AHCYL2: variants seen among roughly 807,000 people sequenced by gnomAD.
AHCYL2 encodes the protein adenosylhomocysteinase like 2, also known as S-adenosylhomocysteine hydrolase-like protein 2.
In AHCYL2, 28 loss-of-function variants were observed where a neutral mutation model predicts 81.4. The ratio of observed to expected loss-of-function variants is 0.34; its 90% CI spans 0.25 to 0.47. AHCYL2 has a LOEUF of 0.47. Among genes scored for constraint, AHCYL2 ranks in the 20% least tolerant of loss-of-function variants. AHCYL2 has a pLI of 1.00. For synonymous variants in AHCYL2, 272 were observed against 290.2 expected (o/e 0.94, Z 0.64); for missense variants, 551 against 785.1 (o/e 0.70, Z 3.56).
chr7:129,413,786 G>T, intron 12 of AHCYL2, 98 bp downstream of exon 12: 1 of 965,418 alleles, frequency 1.0e-6, no homozygotes, highest in South Asian at 1.3e-5. Flanking sequence ...TCCTAAACAT[G>T]ACTATCCTGG....
chr7:129,380,984 T>C (rs148628268), intron 2 of AHCYL2, among the ~76,000 whole-genome samples: 2,080 of 152,232 alleles, frequency 0.014, 21 homozygotes, highest in Non-Finnish European at 0.021. Context: ...CAAATGATTC[T>C]CCTCAGCCTA....
At chr7:129,402,481 G>T (rs1050551430) in intron 6 of AHCYL2, among the ~76,000 whole-genome samples, 1 of 152,210 alleles carries the variant, frequency 6.6e-6, no homozygotes, top group Non-Finnish European at 1.5e-5. Flanking sequence ...ACCCAGTTCT[G>T]TGGGACTTTC....
intron 1 of AHCYL2, among the ~76,000 whole-genome samples, chr7:129,270,858 T>G (rs1191044730): frequency 6.6e-6 from 1 of 151,346 alleles, no homozygotes; most frequent in Non-Finnish European, 1.5e-5. Context: ...TCTGAGAATT[T>G]GTTACCTGGG....
Position 129,406,491 on chromosome 7 carries a change from C to T in AHCYL2, c.1295+25C>T, listed in dbSNP as rs201438043. 2.1e-3 allele frequency: 3,439 copies of T among 1,608,094 alleles called. 34 individuals are homozygous for T. Among genetic ancestry groups the T allele is most frequent in the South Asian group, 0.012 (1,132 of 90,920 alleles). On this transcript the variant is annotated intron_variant, in intron 10 of 16. Transcript: ENST00000325006. This position sits in a 1 kb window ranked among gnomAD's most constrained non-coding sequence, Gnocchi z 4.3. ...GGTAAGCCTCTACGCTACCATCTCA[C>T]TTGCAATCTCGGAGCTGTCTCCAAA...
At chr7:129,264,320 A>G (rs998965166) in intron 1 of AHCYL2, among the ~76,000 whole-genome samples, 1 of 152,236 alleles carries the variant, frequency 6.6e-6, no homozygotes, top group East Asian at 1.9e-4. Context: ...GCGCCCGGCC[A>G]GTAGAAGATA....
At chr7:129,280,735 T>C (rs559738911) in intron 1 of AHCYL2, among the ~76,000 whole-genome samples, 1 of 152,204 alleles carries the variant, frequency 6.6e-6, no homozygotes, top group South Asian at 2.1e-4. Context: ...TGAGAAAGTT[T>C]CCTTGTATTC....
chr7:129,319,057 TAAA>T (rs1797925426), intron 1 of AHCYL2, among the ~76,000 whole-genome samples: 1 of 152,082 alleles, frequency 6.6e-6, no homozygotes, highest in Admixed American at 6.6e-5. Flanking sequence ...TAAAGAACTC[TAAA>T]AATCAGTGAG....
At chr7:129,405,530 A>T (rs1468962742) in intron 8 of AHCYL2, 2 of 360,630 alleles carry the variant, frequency 5.5e-6, no homozygotes, top group East Asian at 4.4e-5. Flanking sequence ...AAGGAAAAAA[A>T]CCCTTACATA....
rs377735622 is a variant in AHCYL2, at chr7:129,303,571, T to C, written c.364-76067T>C. Among the ~76,000 whole-genome samples the C allele has an allele frequency of 3.3e-5, 5 of 152,242 alleles. No homozygotes were observed. The East Asian group carries it at 7.7e-4, about 23-fold the overall frequency. Reference sequence around the variant, plus strand: ...TTTTCTTAGTCTGGCTAAAGGTTTGTCAATTTCATTTATCTTTTCAAAGAA... The same window carrying C: ...TTTTCTTAGTCTGGCTAAAGGTTTGCCAATTTCATTTATCTTTTCAAAGAA... On this transcript the variant is annotated intron_variant, in intron 1 of 16. Transcript: ENST00000325006.
intron 1 of AHCYL2, among the ~76,000 whole-genome samples, chr7:129,247,626 G>A (rs1795106569): frequency 6.6e-6 from 1 of 150,842 alleles, no homozygotes; most frequent in South Asian, 2.1e-4. Context: ...CCCAAGACAA[G>A]GCCTCATTCT....
chr7:129,389,489 A>C, intron 3 of AHCYL2, 145 bp from the exon 4 acceptor site: 1 of 736,234 alleles, frequency 1.4e-6, no homozygotes, highest in Non-Finnish European at 2.1e-6. Flanking sequence ...AGGAAAATAC[A>C]GGTTTAATGT....
chr7:129,421,306 C>G (rs1052362524), intron 12 of AHCYL2, among the ~76,000 whole-genome samples: 1 of 151,138 alleles, frequency 6.6e-6, no homozygotes, highest in African/African-American at 2.4e-5. Context: ...ATATGTCTGT[C>G]TTTTTTTTGG....
chr7:129,284,104 T>C (rs189193253), intron 1 of AHCYL2, among the ~76,000 whole-genome samples: 1 of 152,328 alleles, frequency 6.6e-6, no homozygotes, highest in East Asian at 1.9e-4. Context: ...GAATGTGTCC[T>C]AGCTGAATAA....
intron 1 of AHCYL2, among the ~76,000 whole-genome samples, chr7:129,373,968 C>T (rs1303518909): frequency 6.6e-6 from 1 of 152,112 alleles, no homozygotes; most frequent in African/African-American, 2.4e-5. Flanking sequence ...CTGGTAGTGA[C>T]ATTGGGCAAA....
At position 129,406,945 on chromosome 7, in the gene AHCYL2, A is replaced by G. The variant is rs1325315648; in HGVS notation, c.1295+479A>G. Among the ~76,000 whole-genome samples, 1 of 152,228 alleles carries G rather than the reference A, an allele frequency of 6.6e-6. No homozygotes were observed. Among genetic ancestry groups the G allele is most frequent in the East Asian group, 1.9e-4 (1 of 5,202 alleles). On this transcript the variant is annotated intron_variant, in intron 10 of 16. Coordinates refer to ENST00000325006, the MANE Select transcript of AHCYL2 (RefSeq NM_015328.4). The surrounding 1 kb of genome is among the most constrained non-coding windows in gnomAD (Gnocchi z 4.3). Reference sequence around the variant, plus strand: ...TATGAGAATTATTTACACTAGTATTATAATTCTTAAGTTTGAAATGATTCT... The same window carrying G: ...TATGAGAATTATTTACACTAGTATTGTAATTCTTAAGTTTGAAATGATTCT...
At chr7:129,377,329 A>AT (rs947681884) in intron 1 of AHCYL2, among the ~76,000 whole-genome samples, 4 of 151,974 alleles carry the variant, frequency 2.6e-5, no homozygotes, top group East Asian at 1.9e-4. Context: ...CATCTTTGTC[A>AT]TTTTTTTTAG....
chr7:129,295,223 C>T (rs949423221), intron 1 of AHCYL2, among the ~76,000 whole-genome samples: 8 of 152,152 alleles, frequency 5.3e-5, no homozygotes, highest in African/African-American at 1.4e-4. Context: ...CTCTTCTCTC[C>T]GGGGAATTGA....
At chr7:129,366,716 C>T (rs796598638) in intron 1 of AHCYL2, among the ~76,000 whole-genome samples, 14 of 148,600 alleles carry the variant, frequency 9.4e-5, no homozygotes, top group South Asian at 6.3e-4. Flanking sequence ...GCAGAGGTTG[C>T]GGTGAGCCGA....
In AHCYL2 at chr7:129,362,597, G is replaced by GTTTTTTTT. The variant is rs769346623; in HGVS notation, c.364-17021_364-17014dup. 5.1e-3 allele frequency among the ~76,000 whole-genome samples: 325 copies of GTTTTTTTT among 63,632 alleles called. 1 individual carries two copies. Among genetic ancestry groups the GTTTTTTTT allele is most frequent in the Middle Eastern group, 0.013 (1 of 78 alleles). The allele number at this position is 63,632 out of a possible 152,430, so 41.7% of individuals were successfully genotyped here. Reference sequence around the variant, plus strand: ...CTAAGGAATAGTTATTGGTTTTCTTGTTTTTTTTTTTTTTTTTTTTTTTTT... The same window carrying GTTTTTTTT: ...CTAAGGAATAGTTATTGGTTTTCTTGTTTTTTTTTTTTTTTTTTTTTTTTTTTTTTTTT... On this transcript the variant is annotated intron_variant, in intron 1 of 16. Transcript: ENST00000325006.
Sources: gnomAD v4.1 joint callset for allele counts (sites outside exome capture counted in the v4.1 genomes callset) on GRCh38, gnomAD v4.1.1 for gene constraint, Gnocchi (gnomAD v3.1) non-coding constraint, MANE v1.5 for transcripts, NCBI Gene and HGNC (gene_info 2026-07-23, HGNC 2026-07-21) for gene names.